The following PLEKHM3 variants were observed in gnomAD, a reference collection of about 807,000 sequenced individuals.
PLEKHM3 encodes pleckstrin homology domain-containing family M member 3.
PLEKHM3 carries 45 observed loss-of-function variants against 81.8 expected under a neutral mutation model. The observed-to-expected ratio is 0.55, with a 90% confidence interval of 0.43 to 0.71. The LOEUF is 0.71. Ranked by LOEUF, PLEKHM3 falls within the 30% of genes least tolerant of loss-of-function variation. The pLI is 0.00. For synonymous variants in PLEKHM3, 352 were observed against 356.4 expected, an observed-to-expected ratio of 0.99 and a Z score of 0.14; for missense variants, 788 against 924.3, an observed-to-expected ratio of 0.85 and a Z score of 1.91.
chr2:208,008,819 GCT>G (rs1404973108), intron 1 of PLEKHM3, among the ~76,000 whole-genome samples: 1 of 152,152 alleles, frequency 6.6e-6, no homozygotes, highest in Non-Finnish European at 1.5e-5. Flanking sequence ...TGTTGTCTGA[GCT>G]CTCTTCTCTG....
chr2:207,888,871 C>A (rs1687964004), intron 6 of PLEKHM3, among the ~76,000 whole-genome samples: 1 of 152,194 alleles, frequency 6.6e-6, no homozygotes, highest in Admixed American at 6.5e-5. Context: ...AGGGGCAATG[C>A]TATAAACTCT....
chr2:207,873,121 T>TAATAAC, intron 6 of PLEKHM3, among the ~76,000 whole-genome samples: 1 of 151,824 alleles, frequency 6.6e-6, no homozygotes, highest in East Asian at 1.9e-4. Flanking sequence ...ATAATAATAA[T>TAATAAC]AATAACAATG....
intron 6 of PLEKHM3, among the ~76,000 whole-genome samples, chr2:207,866,988 C>T (rs1356760111): frequency 1.3e-5 from 2 of 152,188 alleles, no homozygotes; most frequent in African/African-American, 4.8e-5. Flanking sequence ...TTTACCCATA[C>T]AAATGGCAAT....
intron 6 of PLEKHM3, among the ~76,000 whole-genome samples, chr2:207,876,594 T>A (rs566316094): frequency 6.6e-6 from 1 of 152,240 alleles, no homozygotes; most frequent in African/African-American, 2.4e-5. Context: ...GAATGACTTA[T>A]GCAGTGTCAA....
At chr2:207,873,528 T>G (rs2092545529) in intron 6 of PLEKHM3, among the ~76,000 whole-genome samples, 1 of 152,250 alleles carries the variant, frequency 6.6e-6, no homozygotes, top group South Asian at 2.1e-4. Context: ...AGGGAATATC[T>G]GCGGAGCTAG....
chr2:207,848,530 A>T (rs1343877045), intron 7 of PLEKHM3, among the ~76,000 whole-genome samples: 1 of 152,244 alleles, frequency 6.6e-6, no homozygotes, highest in Non-Finnish European at 1.5e-5. Flanking sequence ...TGCTGAGAAC[A>T]ATTAGGCATC....
intron 4 of PLEKHM3, among the ~76,000 whole-genome samples, chr2:207,943,597 G>A (rs1025588016): frequency 3.3e-5 from 5 of 151,910 alleles, no homozygotes; most frequent in Admixed American, 6.6e-5. Context: ...GGCCGGGCGC[G>A]GTGGCTCACG....
At chr2:207,980,496 C>T (rs371611020) in intron 2 of PLEKHM3, among the ~76,000 whole-genome samples, 2 of 152,168 alleles carry the variant, frequency 1.3e-5, no homozygotes, top group Admixed American at 6.5e-5. Context: ...AGCTTCAGCC[C>T]TCTTTAAGTG....
chr2:207,927,616 G>C (rs1390468939), intron 5 of PLEKHM3, among the ~76,000 whole-genome samples: 1 of 147,348 alleles, frequency 6.8e-6, no homozygotes, highest in East Asian at 2.0e-4. Flanking sequence ...GATCACCTGA[G>C]GTCAGGAGTT....
chr2:207,859,979 G>C (rs1483236827), intron 7 of PLEKHM3, among the ~76,000 whole-genome samples: 2 of 152,154 alleles, frequency 1.3e-5, no homozygotes, highest in African/African-American at 4.8e-5. Context: ...TTTACTCCCA[G>C]TGGTTCGTCC....
At position 207,861,243 on chromosome 2, in the gene PLEKHM3, G is replaced by A; in HGVS notation, c.1970C>T (p.Ala657Val). ...DLQQVIEGKLAPFLGKVIKFA... is the reference protein window; with the variant it reads ...DLQQVIEGKLVPFLGKVIKFA... ...TTTAATGACCTTGCCCAAGAATGGA[G>A]CCAGCTTTCCCTCTATTACCTGCAG... Residue 657 changes from alanine to valine, a missense_variant, in exon 7 of 8, where the codon GCT becomes GTT. Ala to Val is a moderately conservative substitution (Grantham distance 64). Transcript: ENST00000427836. The A allele has an allele frequency of 6.2e-7, 1 of 1,614,028 alleles. No individual in the cohort carries two copies. The highest frequency in any genetic ancestry group is 8.5e-7 in the Non-Finnish European group (1 of 1,179,982).
At chr2:207,849,502 T>C (rs1013898664) in intron 7 of PLEKHM3, among the ~76,000 whole-genome samples, 19 of 152,226 alleles carry the variant, frequency 1.2e-4, no homozygotes, top group African/African-American at 3.4e-4. Flanking sequence ...TGGCAAGCAA[T>C]GTCCAGCCTA....
chr2:207,882,612 C>CAAA (rs375414006), intron 6 of PLEKHM3, among the ~76,000 whole-genome samples: 13 of 85,082 alleles, frequency 1.5e-4, no homozygotes, highest in African/African-American at 2.9e-4. Context: ...AACTCCATCT[C>CAAA]AAAAAAAAAA....
intron 7 of PLEKHM3, among the ~76,000 whole-genome samples, chr2:207,847,109 C>T (rs1429942122): frequency 1.3e-5 from 2 of 152,168 alleles, no homozygotes; most frequent in African/African-American, 4.8e-5. Context: ...AGAAATGTGT[C>T]TAGGTGACAG....
At chr2:207,949,981 G>A (rs147203412) in intron 3 of PLEKHM3, among the ~76,000 whole-genome samples, 52 of 152,126 alleles carry the variant, frequency 3.4e-4, no homozygotes, top group Non-Finnish European at 6.6e-4. Context: ...CACATCAACC[G>A]GGCACACAGA....
chr2:207,929,507 G>A (rs1410377395), intron 5 of PLEKHM3, among the ~76,000 whole-genome samples: 1 of 152,152 alleles, frequency 6.6e-6, no homozygotes, highest in African/African-American at 2.4e-5. Flanking sequence ...GAAAATAATA[G>A]AACATACTTT....
At chr2:208,021,800 A>C (rs1454983587) in intron 1 of PLEKHM3, among the ~76,000 whole-genome samples, 1 of 152,134 alleles carries the variant, frequency 6.6e-6, no homozygotes, top group African/African-American at 2.4e-5. Flanking sequence ...CATAGTTCAG[A>C]GCTTACTATA....
intron 7 of PLEKHM3, chr2:207,851,742 A>G (rs1374488890): frequency 1.6e-5 from 1 of 62,936 alleles, no homozygotes; most frequent in Admixed American, 1.6e-4. Flanking sequence ...CTCCATCTCA[A>G]AAAAAAAAAA....
In PLEKHM3 at chr2:207,976,510, GTAAGCTTCTCGAGGAGA is replaced by G; in HGVS notation, c.1546+124_1546+140del. The G allele has an allele frequency of 2.5e-6, 2 of 793,274 alleles. No individual in the cohort carries two copies. Among genetic ancestry groups the G allele is most frequent in the Non-Finnish European group, 3.9e-6 (2 of 512,436 alleles). 49.1% of individuals were successfully genotyped at this position (793,274 alleles called of 1,614,324 possible). ...ATTTAATATAGGATGTTTTAATACA[GTAAGCTTCTCGAGGAGA>G]GATACTTTTTATAAACAGGAGATAG... On this transcript the variant is annotated intron_variant, in intron 3 of 7. Transcript: ENST00000427836. The surrounding 1 kb of genome is among the most constrained non-coding windows in gnomAD (Gnocchi z 4.1).
Sources: allele counts gnomAD v4.1 joint callset (sites outside exome capture counted in the v4.1 genomes callset), GRCh38; gene constraint gnomAD v4.1.1; non-coding constraint Gnocchi (gnomAD v3.1); transcripts MANE v1.5; gene names NCBI Gene and HGNC (gene_info 2026-07-23, HGNC 2026-07-21).